Variants in ACSBG2 observed in about 807,000 individuals in gnomAD.
ACSBG2 encodes the protein acyl-CoA synthetase bubblegum family member 2.
ACSBG2 carries 62 observed loss-of-function variants against 74.7 expected under a neutral mutation model. The ratio of observed to expected loss-of-function variants is 0.83; its 90% CI spans 0.68 to 1.03. ACSBG2 has a LOEUF of 1.03. Ranked by LOEUF, ACSBG2 falls within the 50% of genes least tolerant of loss-of-function variation. ACSBG2 has a pLI of 0.00. For missense variants in ACSBG2, 730 were observed against 817.6 expected (o/e 0.89, Z 1.31); for synonymous variants, 309 against 294.1 (o/e 1.05, Z -0.52).
chr19:6,172,338 A>G (rs186991224), intron 7 of ACSBG2, among the ~76,000 whole-genome samples: 1 of 152,074 alleles, frequency 6.6e-6, no homozygotes, highest in East Asian at 1.9e-4. Flanking sequence ...TGAATCTTCT[A>G]TTGTTTGGAT....
At chr19:6,161,751 A>G (rs2145121805) in intron 6 of ACSBG2, among the ~76,000 whole-genome samples, 1 of 152,170 alleles carries the variant, frequency 6.6e-6, no homozygotes, top group East Asian at 1.9e-4. Context: ...GCCTAGCAAA[A>G]GGACGTAGGC....
intron 1 of ACSBG2, among the ~76,000 whole-genome samples, chr19:6,138,371 G>C (rs2088662166): frequency 6.6e-6 from 1 of 151,704 alleles, no homozygotes; most frequent in Non-Finnish European, 1.5e-5. Context: ...AGGCTCCTGG[G>C]AGGAAGCTTA....
At position 6,180,225 on chromosome 19, in the gene ACSBG2, AAGAT is replaced by A. The variant is rs2145221543; in HGVS notation, c.907-2525_907-2522del. Among the ~76,000 whole-genome samples the A allele has an allele frequency of 6.6e-6, 1 of 152,236 alleles. No individual in the cohort carries two copies. The highest frequency in any genetic ancestry group is 2.1e-4 in the South Asian group (1 of 4,828). On this transcript the variant is annotated intron_variant, in intron 8 of 14. Transcript: ENST00000588485. This position sits in a 1 kb window ranked among gnomAD's most constrained non-coding sequence, Gnocchi z 4.3. ...ATCTACAAAGTCCCTTTTGCCATGAAAGATTACATATTCACAGGTCCCAGGAGTT... is the reference window on the plus strand; with the variant it reads ...ATCTACAAAGTCCCTTTTGCCATGAATACATATTCACAGGTCCCAGGAGTT...
At chr19:6,152,124 A>C (rs2089259253) in intron 4 of ACSBG2, among the ~76,000 whole-genome samples, 1 of 152,156 alleles carries the variant, frequency 6.6e-6, no homozygotes, top group Admixed American at 6.6e-5. Flanking sequence ...TCACGACAGC[A>C]ATGTGAAGTG....
At chr19:6,163,121 A>T (rs529830624) in intron 6 of ACSBG2, among the ~76,000 whole-genome samples, 6 of 122,846 alleles carry the variant, frequency 4.9e-5, no homozygotes, top group South Asian at 5.5e-4. Context: ...CTAAAAATAC[A>T]AATAATAATA....
chr19:6,163,121 A>AAAT (rs71917482), intron 6 of ACSBG2, among the ~76,000 whole-genome samples: 7,528 of 122,632 alleles, frequency 0.061, 224 homozygotes, highest in East Asian at 0.11. Flanking sequence ...CTAAAAATAC[A>AAAT]AATAATAATA....
chr19:6,147,093 G>A (rs1193469333), intron 2 of ACSBG2, among the ~76,000 whole-genome samples: 8 of 151,800 alleles, frequency 5.3e-5, no homozygotes, highest in Admixed American at 1.3e-4. Flanking sequence ...GAGCAAGACC[G>A]TGTCTCCAGA....
chr19:6,144,673 G>GT (rs1017357653), intron 2 of ACSBG2, among the ~76,000 whole-genome samples: 14 of 151,658 alleles, frequency 9.2e-5, no homozygotes, highest in South Asian at 2.1e-4. Context: ...ACCAGTGTCT[G>GT]TTTTTTTTGT....
chr19:6,144,479 C>T (rs1002979077), intron 2 of ACSBG2, among the ~76,000 whole-genome samples: 9 of 152,150 alleles, frequency 5.9e-5, no homozygotes, highest in African/African-American at 1.7e-4. Flanking sequence ...TGCCGGCAAC[C>T]GCAGCTAGGA....
chr19:6,188,145 C>T (rs527677788), intron 13 of ACSBG2, among the ~76,000 whole-genome samples: 1 of 152,310 alleles, frequency 6.6e-6, no homozygotes, highest in East Asian at 1.9e-4. Flanking sequence ...AACTATAGGG[C>T]CTTTGCACCT....
At chr19:6,164,971 C>G (rs1181881115) in intron 6 of ACSBG2, among the ~76,000 whole-genome samples, 1 of 152,242 alleles carries the variant, frequency 6.6e-6, no homozygotes, top group Non-Finnish European at 1.5e-5. Flanking sequence ...TCTACCACCC[C>G]TGAGCCTCAG....
At chr19:6,189,947 A>T (rs1182536856) in intron 13 of ACSBG2, 1 of 152,610 alleles carries the variant, frequency 6.6e-6, no homozygotes, top group African/African-American at 2.4e-5. Flanking sequence ...TGACCTCGTG[A>T]TCAACCCGCC....
intron 5 of ACSBG2, among the ~76,000 whole-genome samples, chr19:6,157,139 G>A (rs1419791909): frequency 2.0e-5 from 3 of 152,150 alleles, no homozygotes; most frequent in Non-Finnish European, 2.9e-5. Flanking sequence ...TAGTAGAAAC[G>A]GGGTTTCACC....
intron 10 of ACSBG2, among the ~76,000 whole-genome samples, chr19:6,184,832 GAAAAAAAAAAAAAAAAAA>G (rs371866289): frequency 0.014 from 184 of 13,510 alleles, 9 homozygotes; most frequent in Admixed American, 0.13. Flanking sequence ...ATGTGGAGAT[GAAAAAAAAAAAAAAAAAA>G]AAAAAAAAAA....
intron 8 of ACSBG2, among the ~76,000 whole-genome samples, chr19:6,177,802 C>A (rs2090127698): frequency 6.6e-6 from 1 of 151,410 alleles, no homozygotes; most frequent in Admixed American, 6.6e-5. Flanking sequence ...CAAGTCAGGG[C>A]ATCCATGTAT....
chr19:6,169,780 G>A (rs78959039), intron 7 of ACSBG2, among the ~76,000 whole-genome samples: 4,836 of 152,114 alleles, frequency 0.032, 224 homozygotes, highest in African/African-American at 0.11. Flanking sequence ...AGTTATTCTC[G>A]TAGAAGTCTT....
At chr19:6,179,074 G>C (rs1207661640) in intron 8 of ACSBG2, among the ~76,000 whole-genome samples, 2 of 152,166 alleles carry the variant, frequency 1.3e-5, no homozygotes, top group African/African-American at 4.8e-5. Flanking sequence ...TTCTGGAAAA[G>C]AGGGAACTGT....
At chr19:6,159,818 T>C (rs1294869756) in intron 5 of ACSBG2, among the ~76,000 whole-genome samples, 1 of 152,102 alleles carries the variant, frequency 6.6e-6, no homozygotes, top group Non-Finnish European at 1.5e-5. Flanking sequence ...CCTATCATAC[T>C]CTCTTGGGTC....
At position 6,181,983 on chromosome 19, in the gene ACSBG2, T is replaced by C. The variant is rs73552742; in HGVS notation, c.907-768T>C. On this transcript the variant is annotated intron_variant, in intron 8 of 14. Transcript: ENST00000588485. ...GCTTGATAGCAGGATGGCTAACGTTTCCTGGTTTGCCTGGGACTTCCCCAG... is the reference window on the plus strand; with the variant it reads ...GCTTGATAGCAGGATGGCTAACGTTCCCTGGTTTGCCTGGGACTTCCCCAG... Among the ~76,000 whole-genome samples the C allele has an allele frequency of 3.0e-3, 461 of 152,288 alleles. 2 individuals carry two copies. Among genetic ancestry groups the C allele is most frequent in the African/African-American group, 8.3e-3 (343 of 41,550 alleles).
Sources: allele counts gnomAD v4.1 joint callset (sites outside exome capture counted in the v4.1 genomes callset), GRCh38; gene constraint gnomAD v4.1.1; non-coding constraint Gnocchi (gnomAD v3.1); transcripts MANE v1.5; gene names NCBI Gene and HGNC (gene_info 2026-07-23, HGNC 2026-07-21).